RDM1: variants seen among roughly 807,000 people sequenced by gnomAD.
RDM1 encodes the protein RAD52 motif containing 1.
A neutral mutation model predicts 27.7 loss-of-function variants in RDM1; 28 were observed. The ratio of observed to expected loss-of-function variants is 1.01; its 90% confidence interval spans 0.75 to 1.39. The LOEUF (loss-of-function observed/expected upper bound fraction) is 1.39, where lower values mean the gene tolerates loss of function less well. Among genes scored for constraint, RDM1 ranks in the 40% most tolerant of loss-of-function variants. RDM1 has a pLI of 0.00. For missense variants in RDM1, 277 were observed against 337.3 expected, an observed-to-expected ratio of 0.82 and a Z score of 1.40; for synonymous variants, 124 against 127.5, an observed-to-expected ratio of 0.97 and a Z score of 0.19.
At chr17:35,928,459 T>G (rs913349743) in intron 2 of RDM1, among the ~76,000 whole-genome samples, 8 of 152,242 alleles carry the variant, frequency 5.3e-5, no homozygotes, top group Admixed American at 2.0e-4. Flanking sequence ...ACATTTTAAA[T>G]TCACATAAAA....
At chr17:35,925,131 T>C (rs2089094172) in intron 3 of RDM1, among the ~76,000 whole-genome samples, 15 of 151,576 alleles carry the variant, frequency 9.9e-5, no homozygotes, top group Admixed American at 9.9e-4. Flanking sequence ...AGCCTCTGTC[T>C]CAAAAACAAA....
Position 35,918,114 on chromosome 17 carries a change from G to T in RDM1, c.*228C>A, listed in dbSNP as rs2141918925. The T allele has an allele frequency of 3.4e-6, 2 of 586,042 alleles. No homozygotes were observed. Among genetic ancestry groups the T allele is most frequent in the Middle Eastern group, 4.6e-4 (1 of 2,180 alleles). 36.3% of individuals were successfully genotyped at this position (586,042 alleles called of 1,614,324 possible). ...GCAACCTTTATTAAGTTCCGTTCGA[G>T]ATCCGCTCCTCGTCACCAGGGCGAT... On this transcript the variant is annotated 3_prime_UTR_variant, in exon 7 of 7. Coordinates refer to ENST00000620284, the MANE Select transcript of RDM1 (RefSeq NM_145654.4).
rs757010725 is a variant in RDM1 at position 35,930,084 on chromosome 17, G to A, written c.268C>T (p.Pro90Ser). 18 of 1,613,224 alleles carry A rather than the reference G, an allele frequency of 1.1e-5. No individual in the cohort carries two copies. Among genetic ancestry groups the A allele is most frequent in the African/African-American group, 4.0e-5 (3 of 74,860 alleles). The change falls in exon 2 of 7, where the codon CCA becomes TCA. Residue 90 changes from proline to serine, a missense_variant. Transcript: ENST00000620284. ...TCCATATTTGGACCCACCTTGACTG[G>A]AGATTTCTGAAAAAGCTGCTTCCGG... ...CDRKQLFQKS[P>S]VKVRLGTRHK...
At chr17:35,930,587 TG>T in intron 1 of RDM1, 44 bp downstream of exon 1, 2 of 1,558,108 alleles carry the variant, frequency 1.3e-6, no homozygotes, top group Non-Finnish European at 1.8e-6. Flanking sequence ...AGTCAGCGGG[TG>T]GGCAGCTTTC....
intron 4 of RDM1, among the ~76,000 whole-genome samples, chr17:35,923,121 A>G (rs1483875505): frequency 6.6e-6 from 1 of 151,732 alleles, no homozygotes; most frequent in Non-Finnish European, 1.5e-5. Flanking sequence ...AGCCTGGTCA[A>G]TGTGGTGAAA....
chr17:35,928,593 T>C (rs2089227733), intron 2 of RDM1, among the ~76,000 whole-genome samples: 1 of 151,052 alleles, frequency 6.6e-6, no homozygotes, highest in South Asian at 2.1e-4. Context: ...AGAAACACCA[T>C]CTCTACCAAA....
chr17:35,928,501 G>A (rs1317642703), intron 2 of RDM1, among the ~76,000 whole-genome samples: 28 of 151,968 alleles, frequency 1.8e-4, no homozygotes, highest in African/African-American at 6.5e-4. Context: ...GGTGGCTCAC[G>A]CTTGTAATCC....
chr17:35,920,154 C>A, intron 6 of RDM1, 33 bp downstream of exon 6: 1 of 1,020,812 alleles, frequency 9.8e-7, no homozygotes, highest in East Asian at 2.4e-5. Flanking sequence ...GTTACACTGG[C>A]TATGTTACCC....
At chr17:35,919,254 G>A (rs114898584) in intron 6 of RDM1, among the ~76,000 whole-genome samples, 2,596 of 152,178 alleles carry the variant, frequency 0.017, 76 homozygotes, top group African/African-American at 0.058. Context: ...AATTCCATAT[G>A]TAGTAAATAA....
intron 4 of RDM1, 28 bp downstream of exon 4, chr17:35,924,576 C>T: frequency 2.5e-6 from 4 of 1,592,190 alleles, no homozygotes; most frequent in Non-Finnish European, 3.4e-6. Context: ...CAAATCCCTA[C>T]CCTCCTCCAC....
chr17:35,920,329 C>T, intron 5 of RDM1, 57 bp from the exon 6 acceptor site: 1 of 857,232 alleles, frequency 1.2e-6, no homozygotes, highest in African/African-American at 1.7e-5. Flanking sequence ...AAACTTCCTG[C>T]ATATAATGGT....
intron 4 of RDM1, among the ~76,000 whole-genome samples, chr17:35,924,194 C>T (rs1365783757): frequency 1.3e-5 from 2 of 151,884 alleles, no homozygotes; most frequent in South Asian, 2.1e-4. Context: ...GCATTCTAGC[C>T]TGGGCAACAG....
At chr17:35,927,906 GT>G (rs2089203947) in intron 2 of RDM1, among the ~76,000 whole-genome samples, 1 of 152,150 alleles carries the variant, frequency 6.6e-6, no homozygotes, top group Non-Finnish European at 1.5e-5. Flanking sequence ...ATGTGAAATG[GT>G]CACAGGTTAG....
rs2089113405 is a variant in RDM1 at position 35,925,524 on chromosome 17, C to T, written c.390G>A (p.Arg130=). Residue 130 remains arginine, a synonymous_variant, in exon 3 of 7, where the codon AGG becomes AGA. Coordinates refer to ENST00000620284, the MANE Select transcript of RDM1 (RefSeq NM_145654.4). ...YYFGFNGCSK[R]IIKLQELSDL... ...AATCTACAAGGTTTACCTTGATGATCCTTTTGGAACACCCATTGAAACCAA... is the reference window on the plus strand; with the variant it reads ...AATCTACAAGGTTTACCTTGATGATTCTTTTGGAACACCCATTGAAACCAA... The T allele has an allele frequency of 6.2e-7, 1 of 1,613,240 alleles. No homozygotes were observed. Among genetic ancestry groups the T allele is most frequent in the East Asian group, 2.2e-5 (1 of 44,880 alleles).
intron 2 of RDM1, among the ~76,000 whole-genome samples, chr17:35,929,012 T>C (rs2089241429): frequency 6.6e-6 from 1 of 151,876 alleles, no homozygotes; most frequent in African/African-American, 2.4e-5. Flanking sequence ...AAGGCAGAGG[T>C]TGCAGTGAGC....
chr17:35,926,467 G>A (rs184705070), intron 2 of RDM1, among the ~76,000 whole-genome samples: 4 of 151,890 alleles, frequency 2.6e-5, no homozygotes, highest in East Asian at 1.9e-4. Flanking sequence ...GCAGTGGCGC[G>A]ATCTTGGCTC....
At chr17:35,920,456 C>CTTTT (rs60990791) in intron 5 of RDM1, among the ~76,000 whole-genome samples, 184 bp from the exon 6 acceptor site, 52 of 117,984 alleles carry the variant, frequency 4.4e-4, no homozygotes, top group South Asian at 7.7e-4. Flanking sequence ...TTCTTTCTTT[C>CTTTT]TTTTTTTTTT....
At chr17:35,920,907 A>T (rs1568387198) in intron 5 of RDM1, among the ~76,000 whole-genome samples, 1 of 152,260 alleles carries the variant, frequency 6.6e-6, no homozygotes, top group Non-Finnish European at 1.5e-5. Flanking sequence ...ATGGTAAGGC[A>T]TCAGATGGGG....
intron 2 of RDM1, among the ~76,000 whole-genome samples, chr17:35,927,027 G>A (rs995647803): frequency 2.1e-5 from 3 of 145,622 alleles, no homozygotes; most frequent in Non-Finnish European, 4.5e-5. Flanking sequence ...AGACAACCAG[G>A]AAGCTTCAGA....
Sources: allele counts gnomAD v4.1 joint callset (sites outside exome capture counted in the v4.1 genomes callset), GRCh38; gene constraint gnomAD v4.1.1; transcripts MANE v1.5; gene names NCBI Gene and HGNC (gene_info 2026-07-23, HGNC 2026-07-21).